The following RPH3A variants were observed in gnomAD, a reference collection of about 807,000 sequenced individuals.
RPH3A encodes rabphilin-3A.
In RPH3A, 48 loss-of-function variants were observed where a neutral mutation model predicts 102.2. The ratio of observed to expected loss-of-function variants is 0.47; its 90% CI spans 0.37 to 0.60. The LOEUF (loss-of-function observed/expected upper bound fraction) is 0.60, where lower values mean the gene tolerates loss of function less well. RPH3A is among the 20% of genes least tolerant of loss of function. The probability of loss-of-function intolerance (pLI) is 0.00; values close to 1 mark genes in which losing one functional copy is unlikely to be tolerated. For missense variants in RPH3A, 781 were observed against 910.1 expected, an observed-to-expected ratio of 0.86 and a Z score of 1.83; for synonymous variants, 310 against 324.3, an observed-to-expected ratio of 0.96 and a Z score of 0.47.
At chr12:112,789,777 T>A (rs761162110), upstream of RPH3A, among the ~76,000 whole-genome samples, 6 of 149,132 alleles carry the variant, frequency 4.0e-5, no homozygotes, top group Admixed American at 3.4e-4. Flanking sequence ...ATGATTACCA[T>A]CATGATGACA....
intron 1 of RPH3A, among the ~76,000 whole-genome samples, chr12:112,642,345 C>T (rs1301993535): frequency 6.6e-6 from 1 of 152,110 alleles, no homozygotes; most frequent in Non-Finnish European, 1.5e-5. Flanking sequence ...CAAAGTCATA[C>T]ATTAATAGGG....
chr12:112,847,222 G>A (rs962810219), intron 4 of RPH3A, among the ~76,000 whole-genome samples: 5 of 152,192 alleles, frequency 3.3e-5, no homozygotes, highest in African/African-American at 1.2e-4. Context: ...CAGAGACTTC[G>A]AGGCTGGAAT....
At chr12:112,816,636 A>G (rs1227759243) in intron 2 of RPH3A, among the ~76,000 whole-genome samples, 1 of 152,230 alleles carries the variant, frequency 6.6e-6, no homozygotes. Context: ...TCACCACACA[A>G]GTCATTAACA....
intron 1 of RPH3A, among the ~76,000 whole-genome samples, chr12:112,611,969 T>A (rs919063985): frequency 3.3e-5 from 5 of 152,212 alleles, no homozygotes; most frequent in African/African-American, 1.2e-4. Context: ...TATAGGCACA[T>A]CCGCCAGAAT....
At chr12:112,612,438 C>G (rs182985450) in intron 1 of RPH3A, among the ~76,000 whole-genome samples, 1 of 152,054 alleles carries the variant, frequency 6.6e-6, no homozygotes, top group Non-Finnish European at 1.5e-5. Context: ...CTCACATTTG[C>G]TCCGTTAAAC....
intron 1 of RPH3A, among the ~76,000 whole-genome samples, chr12:112,583,624 T>G (rs1342852548): frequency 6.6e-6 from 1 of 152,244 alleles, no homozygotes; most frequent in Non-Finnish European, 1.5e-5. Flanking sequence ...CTAGCCTTAC[T>G]ATTCATTTGC....
intron 1 of RPH3A, among the ~76,000 whole-genome samples, chr12:112,761,547 A>C (rs1352074621): frequency 6.6e-6 from 1 of 152,276 alleles, no homozygotes; most frequent in Non-Finnish European, 1.5e-5. Context: ...GATGCCGTCC[A>C]GGAAAGACTG....
At chr12:112,645,058 G>A (rs2039918037) in intron 1 of RPH3A, among the ~76,000 whole-genome samples, 1 of 152,120 alleles carries the variant, frequency 6.6e-6, no homozygotes, top group Admixed American at 6.6e-5. Context: ...TTTAAAAGTT[G>A]AGTATTGTTC....
chr12:112,761,997 T>C (rs1419976476), intron 1 of RPH3A, among the ~76,000 whole-genome samples: 1 of 152,216 alleles, frequency 6.6e-6, no homozygotes, highest in Non-Finnish European at 1.5e-5. Flanking sequence ...CTCTGAGCCA[T>C]AGTTTCCTCA....
rs144714517 is a variant in RPH3A at position 112,693,178 on chromosome 12, T to C, written c.-139-98965T>C. On this transcript the variant is annotated intron_variant, in intron 1 of 21. Coordinates refer to the RPH3A transcript ENST00000543106. Reference sequence around the variant, plus strand: ...CAGGGATCAGCATTTGAATCTGGCATTGACATTTCCTTCAGCAATTTCTTG... The same window carrying C: ...CAGGGATCAGCATTTGAATCTGGCACTGACATTTCCTTCAGCAATTTCTTG... 3.5e-4 allele frequency among the ~76,000 whole-genome samples: 54 copies of C among 152,368 alleles called. No homozygotes were observed. In the East Asian group the frequency reaches 0.01, roughly 28 times the overall value.
chr12:112,822,096 A>G (rs1414714752), intron 2 of RPH3A, among the ~76,000 whole-genome samples: 1 of 151,258 alleles, frequency 6.6e-6, no homozygotes, highest in Non-Finnish European at 1.5e-5. Flanking sequence ...ACCCCATCAA[A>G]TAGTCAGAGT....
chr12:112,659,072 A>AT (rs990189551), intron 1 of RPH3A, among the ~76,000 whole-genome samples: 11 of 152,216 alleles, frequency 7.2e-5, no homozygotes, highest in African/African-American at 2.6e-4. Flanking sequence ...CAGCACCAGA[A>AT]TTTTTTTCCC....
At chr12:112,752,860 C>T (rs2040794047) in intron 1 of RPH3A, among the ~76,000 whole-genome samples, 1 of 151,844 alleles carries the variant, frequency 6.6e-6, no homozygotes, top group South Asian at 2.1e-4. Flanking sequence ...CCTCTTTCCT[C>T]ATCTCTCCCA....
chr12:112,616,440 C>T (rs371814080), intron 1 of RPH3A, among the ~76,000 whole-genome samples: 2 of 152,200 alleles, frequency 1.3e-5, no homozygotes, highest in African/African-American at 4.8e-5. Context: ...AGCCACCGCG[C>T]GCAGTCTGGA....
rs550055356 is a variant in RPH3A at position 112,666,652 on chromosome 12, A to G, written c.-140+91333A>G. Among the ~76,000 whole-genome samples, 25 of 152,266 alleles carry G rather than the reference A, an allele frequency of 1.6e-4. No individual in the cohort carries two copies. In the South Asian group the frequency reaches 5.0e-3, roughly 30 times the overall value. On this transcript the variant is annotated intron_variant, in intron 1 of 21. Coordinates refer to the RPH3A transcript ENST00000543106. Reference sequence around the variant, plus strand: ...ATTAAAAAGCAGTGGTTGAAGTGGCAAAGATGCATGAATCAGAGAGCTTGG... The same window carrying G: ...ATTAAAAAGCAGTGGTTGAAGTGGCGAAGATGCATGAATCAGAGAGCTTGG...
chr12:112,862,606 G>A (rs929636537), intron 5 of RPH3A, among the ~76,000 whole-genome samples: 1 of 152,082 alleles, frequency 6.6e-6, no homozygotes, highest in Non-Finnish European at 1.5e-5. Flanking sequence ...GGGTGGGTGG[G>A]GGGAAAATGA....
chr12:112,815,586 G>A (rs543938409), intron 2 of RPH3A, among the ~76,000 whole-genome samples: 14 of 152,352 alleles, frequency 9.2e-5, no homozygotes, highest in Non-Finnish European at 1.6e-4. Flanking sequence ...CTCTGAGGCA[G>A]AGGAGGGAGC....
chr12:112,822,986 T>C (rs927543468), intron 2 of RPH3A, among the ~76,000 whole-genome samples: 3 of 152,216 alleles, frequency 2.0e-5, no homozygotes, highest in Non-Finnish European at 4.4e-5. Flanking sequence ...AGTCTCTGGT[T>C]TCAGGAGAAG....
intron 1 of RPH3A, among the ~76,000 whole-genome samples, chr12:112,731,430 G>C (rs768229235): frequency 3.3e-5 from 5 of 152,174 alleles, no homozygotes; most frequent in Non-Finnish European, 7.3e-5. Context: ...CTATTATGCA[G>C]CTTTTGAGCC....
Sources: allele counts gnomAD v4.1 joint callset (sites outside exome capture counted in the v4.1 genomes callset), GRCh38; gene constraint gnomAD v4.1.1; transcripts MANE v1.5; gene names NCBI Gene and HGNC (gene_info 2026-07-23, HGNC 2026-07-21).